Variants in SEC11A observed in about 807,000 individuals in gnomAD.
SEC11A encodes the protein signal peptidase complex catalytic subunit SEC11A.
SEC11A carries 14 observed loss-of-function variants against 25.6 expected under a neutral mutation model. The ratio of observed to expected loss-of-function variants is 0.55; its 90% confidence interval spans 0.36 to 0.85. SEC11A has a LOEUF of 0.85. SEC11A is among the 40% of genes least tolerant of loss of function. SEC11A has a pLI of 0.01. For missense variants in SEC11A, 153 were observed against 222.9 expected, an observed-to-expected ratio of 0.69 and a Z score of 2.00; for synonymous variants, 83 against 76.4, an observed-to-expected ratio of 1.09 and a Z score of -0.45.
intron 1 of SEC11A, among the ~76,000 whole-genome samples, chr15:84,712,375 G>A (rs1223963751): frequency 2.0e-5 from 3 of 152,032 alleles, no homozygotes; most frequent in Non-Finnish European, 4.4e-5. Flanking sequence ...CTGGTGAAAG[G>A]CAAAACAGTA....
At chr15:84,687,487 T>C (rs1897462418) in intron 3 of SEC11A, 138 bp downstream of exon 3, 2 of 583,482 alleles carry the variant, frequency 3.4e-6, no homozygotes, top group Non-Finnish European at 5.6e-6. Flanking sequence ...CACTAAACTT[T>C]CCAGCATTCA....
At chr15:84,693,632 TG>T (rs1195307553) in intron 1 of SEC11A, among the ~76,000 whole-genome samples, 1 of 152,020 alleles carries the variant, frequency 6.6e-6, no homozygotes, top group African/African-American at 2.4e-5. Context: ...GGCCAATTTT[TG>T]TATTTTTAGT....
chr15:84,689,670 C>T (rs1897544176), intron 2 of SEC11A, among the ~76,000 whole-genome samples: 1 of 149,158 alleles, frequency 6.7e-6, no homozygotes, highest in Admixed American at 6.7e-5. Context: ...TGCAATGGAG[C>T]GATCTCCGCT....
chr15:84,703,080 A>G (rs1897995378), intron 1 of SEC11A, among the ~76,000 whole-genome samples: 1 of 152,192 alleles, frequency 6.6e-6, no homozygotes, highest in African/African-American at 2.4e-5. Flanking sequence ...GCAGTCCTTT[A>G]TAAGTAAATG....
intron 1 of SEC11A, among the ~76,000 whole-genome samples, chr15:84,694,405 G>A (rs1440688876): frequency 6.6e-6 from 1 of 151,788 alleles, no homozygotes; most frequent in Non-Finnish European, 1.5e-5. Flanking sequence ...ATTTGGGGGT[G>A]TAATACTAGG....
intron 3 of SEC11A, 64 bp from the exon 4 acceptor site, chr15:84,680,896 G>A (rs1897268873): frequency 2.1e-6 from 3 of 1,459,818 alleles, no homozygotes; most frequent in Non-Finnish European, 1.9e-6. Context: ...CACAAAATCT[G>A]TTCTTGTTAA....
At chr15:84,684,552 A>C (rs991931631) in intron 3 of SEC11A, among the ~76,000 whole-genome samples, 3 of 152,158 alleles carry the variant, frequency 2.0e-5, no homozygotes, top group African/African-American at 7.2e-5. Flanking sequence ...AGAACAGACT[A>C]ATATACCTCC....
chr15:84,679,954 G>A, intron 4 of SEC11A: 1 of 1,530,356 alleles, frequency 6.5e-7, no homozygotes, highest in South Asian at 1.2e-5. Context: ...CCACTGAACT[G>A]TTCTCCTGAT....
intron 1 of SEC11A, chr15:84,714,705 T>C (rs1596088181): frequency 6.6e-6 from 1 of 152,220 alleles, no homozygotes; most frequent in Non-Finnish European, 1.5e-5. Context: ...ATTTTCTTCA[T>C]GTTTAATAAG....
In SEC11A at chr15:84,680,037, ATTATGG is replaced by A; in HGVS notation, c.431+670_431+675del. On this transcript the variant is annotated intron_variant, in intron 4 of 5. Coordinates refer to ENST00000268220, the MANE Select transcript of SEC11A (RefSeq NM_014300.4). ...CCTCATCAATTTCAAGACTAGAAAT[ATTATGG>A]ATTAAATTAACATGATAAAACTAAT... 3 of 1,013,858 alleles carry A rather than the reference ATTATGG, an allele frequency of 3.0e-6. No homozygotes were observed. In the South Asian group the frequency reaches 4.3e-5, roughly 15 times the overall value. The allele number at this position is 1,013,858 out of a possible 1,614,324, so 62.8% of individuals were successfully genotyped here. A position where few individuals can be genotyped will look rare whatever the true frequency, so the allele number is the denominator to read the frequency against.
chr15:84,674,418 T>C (rs966405132), intron 4 of SEC11A, among the ~76,000 whole-genome samples: 1 of 152,172 alleles, frequency 6.6e-6, no homozygotes, highest in East Asian at 1.9e-4. Flanking sequence ...CTGCTAATTC[T>C]GATCTGATGA....
At chr15:84,704,626 G>A (rs920662780) in intron 1 of SEC11A, among the ~76,000 whole-genome samples, 1 of 152,150 alleles carries the variant, frequency 6.6e-6, no homozygotes, top group Non-Finnish European at 1.5e-5. Flanking sequence ...TTGGAAGCCT[G>A]ATAGTGCTCA....
chr15:84,691,078 T>TC (rs1366883224), intron 2 of SEC11A, among the ~76,000 whole-genome samples: 2 of 149,786 alleles, frequency 1.3e-5, no homozygotes, highest in African/African-American at 2.5e-5. Context: ...TCTCTCTTTT[T>TC]TTTTTTTTTT....
chr15:84,669,589 T>TA lies in SEC11A; in HGVS notation c.*429dup, dbSNP rs1397675758. On this transcript the variant is annotated 3_prime_UTR_variant, in exon 6 of 6. Coordinates refer to ENST00000268220, the MANE Select transcript of SEC11A (RefSeq NM_014300.4). ...ATTTAAAATTTTAGAAGTTAAGACT[T>TA]ACGACCACCTCAGTATATGCCATTC... 1 of 159,212 alleles carries TA rather than the reference T, an allele frequency of 6.3e-6. No individual in the cohort carries two copies. The highest frequency in any genetic ancestry group is 1.4e-5 in the Non-Finnish European group (1 of 72,432). The allele number at this position is 159,212 out of a possible 1,614,324, so 9.9% of individuals were successfully genotyped here.
In SEC11A at chr15:84,696,702, ATTAAGATTTTGGCAGC is replaced by A. The variant is rs1209873173; in HGVS notation, c.52-5074_52-5059del. 2.6e-5 allele frequency among the ~76,000 whole-genome samples: 4 copies of A among 152,342 alleles called. No individual in the cohort carries two copies. The East Asian group carries it at 7.7e-4, about 29-fold the overall frequency. ...ATGGCAATATCCCAATATCAAACACATTAAGATTTTGGCAGCAAAACAAAAATTCACACTGAAGTAA... is the reference window on the plus strand; with the variant it reads ...ATGGCAATATCCCAATATCAAACACAAAAACAAAAATTCACACTGAAGTAA... On this transcript the variant is annotated intron_variant, in intron 1 of 5. Transcript: ENST00000268220.
chr15:84,705,798 T>C (rs1737133042), intron 1 of SEC11A, among the ~76,000 whole-genome samples: 3 of 151,276 alleles, frequency 2.0e-5, no homozygotes, highest in Admixed American at 6.6e-5. Context: ...GAAGTTGCAG[T>C]GAGCCGAGAT....
intron 1 of SEC11A, among the ~76,000 whole-genome samples, chr15:84,701,714 A>G (rs1045148848): frequency 6.6e-5 from 10 of 152,208 alleles, no homozygotes; most frequent in African/African-American, 2.4e-4. Flanking sequence ...TCATGCTTAC[A>G]TTAATCAAAA....
intron 1 of SEC11A, among the ~76,000 whole-genome samples, chr15:84,708,785 C>T (rs1898176267): frequency 6.7e-6 from 1 of 150,260 alleles, no homozygotes; most frequent in Non-Finnish European, 1.5e-5. Flanking sequence ...GAGACCTTAT[C>T]TCAGGAAAAA....
rs538290923 is a variant in SEC11A, at chr15:84,702,418, C to T, written c.52-10774G>A. Among the ~76,000 whole-genome samples the T allele has an allele frequency of 4.7e-5, 7 of 149,424 alleles. No individual in the cohort carries two copies. In the East Asian group the frequency reaches 1.4e-3, roughly 30 times the overall value. On this transcript the variant is annotated intron_variant, in intron 1 of 5. Transcript: ENST00000268220. Reference sequence around the variant, plus strand: ...TCACTGCAACAGTGAGCCAAGATCGCATGCACCACTGCACTCCAGCCTGGG... The same window carrying T: ...TCACTGCAACAGTGAGCCAAGATCGTATGCACCACTGCACTCCAGCCTGGG...
Sources: allele counts gnomAD v4.1 joint callset (sites outside exome capture counted in the v4.1 genomes callset), GRCh38; gene constraint gnomAD v4.1.1; transcripts MANE v1.5; gene names NCBI Gene and HGNC (gene_info 2026-07-23, HGNC 2026-07-21).